Variants in SEC14L1 observed in about 807,000 individuals in gnomAD.
SEC14L1 encodes the protein SEC14 like lipid binding 1.
A neutral mutation model predicts 85.3 loss-of-function variants in SEC14L1; 48 were observed. The ratio of observed to expected loss-of-function variants is 0.56; its 90% CI spans 0.45 to 0.72. The LOEUF is 0.72. Among genes scored for constraint, SEC14L1 ranks in the 30% least tolerant of loss-of-function variants. The pLI, the probability that SEC14L1 is intolerant of heterozygous loss-of-function variation, is 0.00. For missense variants in SEC14L1, 682 were observed against 921.4 expected, an observed-to-expected ratio of 0.74 and a Z score of 3.36; for synonymous variants, 391 against 355.5, an observed-to-expected ratio of 1.10 and a Z score of -1.12.
In SEC14L1 at chr17:77,206,912, A is replaced by C; in HGVS notation, c.1476+50A>C. The C allele has an allele frequency of 1.4e-6, 2 of 1,457,852 alleles. No individual in the cohort carries two copies. Among genetic ancestry groups the C allele is most frequent in the Non-Finnish European group, 1.8e-6 (2 of 1,098,838 alleles). The allele number at this position is 1,457,852 out of a possible 1,614,324, so 90.3% of individuals were successfully genotyped here. A position where few individuals can be genotyped will look rare whatever the true frequency, so the allele number is the denominator to read the frequency against. ...ACATTTGGCCCCTTATGCAGGTGGGAGAGGTCGGTGTCGATTTGCACAAAT... is the reference window on the plus strand; with the variant it reads ...ACATTTGGCCCCTTATGCAGGTGGGCGAGGTCGGTGTCGATTTGCACAAAT... On this transcript the variant is annotated intron_variant, in intron 13 of 16. Coordinates refer to ENST00000436233, the MANE Select transcript of SEC14L1 (RefSeq NM_001143998.2). The surrounding 1 kb of genome is among the most constrained non-coding windows in gnomAD (Gnocchi z 4.3).
At chr17:77,201,017 G>C (rs575826018) in intron 9 of SEC14L1, among the ~76,000 whole-genome samples, 1 of 152,346 alleles carries the variant, frequency 6.6e-6, no homozygotes, top group African/African-American at 2.4e-5. Context: ...CAGTAGTGCA[G>C]TGTTAATAAA....
chr17:77,133,519 A>T (rs1972680000), intron 3 of SEC14L1, among the ~76,000 whole-genome samples: 1 of 151,836 alleles, frequency 6.6e-6, no homozygotes, highest in South Asian at 2.1e-4. Context: ...CTTGCTATGG[A>T]CTCTTGGGAA....
chr17:77,131,067 C>A (rs1245211723), intron 3 of SEC14L1, among the ~76,000 whole-genome samples: 5 of 152,190 alleles, frequency 3.3e-5, no homozygotes, highest in Non-Finnish European at 7.3e-5. Context: ...AGATCCCATT[C>A]TTCTACGGAC....
chr17:77,123,846 G>A (rs1253096948), intron 3 of SEC14L1, among the ~76,000 whole-genome samples: 2 of 152,240 alleles, frequency 1.3e-5, no homozygotes, highest in African/African-American at 4.8e-5. Flanking sequence ...GGGGCCTTGG[G>A]AAGGAAGATG....
At chr17:77,143,248 G>C (rs190458405) in intron 2 of SEC14L1, among the ~76,000 whole-genome samples, 6 of 152,324 alleles carry the variant, frequency 3.9e-5, no homozygotes, top group Admixed American at 2.0e-4. Flanking sequence ...AATCATAACA[G>C]TTCATTGCTG....
At chr17:77,140,947 C>G (rs1052151510), upstream of SEC14L1, 2 of 150,902 alleles carry the variant, frequency 1.3e-5, no homozygotes, top group African/African-American at 2.4e-5. Flanking sequence ...CCACAAGTGC[C>G]GTCGCCGCGC....
At chr17:77,145,505 A>G (rs2143532453) in intron 3 of SEC14L1, among the ~76,000 whole-genome samples, 1 of 152,242 alleles carries the variant, frequency 6.6e-6, no homozygotes, top group Admixed American at 6.5e-5. Context: ...GTGTGTTAAG[A>G]AGTTACGTGT....
Position 77,213,413 on chromosome 17 carries a change from G to T in SEC14L1, c.1963G>T (p.Val655Leu), listed in dbSNP as rs751760592. 1 of 1,613,364 alleles carries T rather than the reference G, an allele frequency of 6.2e-7. No individual in the cohort carries two copies. The highest frequency in any genetic ancestry group is 8.5e-7 in the Non-Finnish European group (1 of 1,180,016). ...AASSLPRVDD[V>L]LASLQVSSHK... ...CAGCAGCCTTCCCCGGGTGGACGAC[G>T]TGCTTGCGTCCCTGCAGGTCTCTTC... The change falls in exon 16 of 17, where the codon GTG (valine) becomes TTG (leucine). Residue 655 changes from valine to leucine, a missense_variant. Transcript: ENST00000436233. The surrounding 1 kb of genome is among the most constrained non-coding windows in gnomAD (Gnocchi z 7.1).
In SEC14L1 at chr17:77,143,600, G is replaced by A. The variant is rs371430429; in HGVS notation, c.4G>A (p.Val2Met). Residue 2 changes from valine to methionine, a missense_variant, in exon 3 of 17, where the codon GTG (valine) becomes ATG (methionine). Coordinates refer to ENST00000436233, the MANE Select transcript of SEC14L1 (RefSeq NM_001143998.2). ...GGGTTGCTGTTGTATTGCAATCATGGTGCAGAAATACCAGTCCCCAGTGAG... is the reference window on the plus strand; with the variant it reads ...GGGTTGCTGTTGTATTGCAATCATGATGCAGAAATACCAGTCCCCAGTGAG... MVQKYQSPVRVY... is the reference protein window; with the variant it reads MMQKYQSPVRVY... The A allele has an allele frequency of 8.6e-5, 139 of 1,612,982 alleles. No individual in the cohort carries two copies. Among genetic ancestry groups the A allele is most frequent in the Non-Finnish European group, 1.1e-4 (132 of 1,179,274 alleles).
intron 3 of SEC14L1, among the ~76,000 whole-genome samples, chr17:77,178,941 C>T (rs894934403): frequency 2.4e-4 from 37 of 152,198 alleles, no homozygotes; most frequent in Admixed American, 2.0e-3. Flanking sequence ...AGTGACCTTT[C>T]CTTGTCACAG....
In SEC14L1 at chr17:77,200,418, C is replaced by T. The variant is rs779459392; in HGVS notation, c.820-66C>T. On this transcript the variant is annotated intron_variant, in intron 8 of 16. Transcript: ENST00000436233. ...TCCTGAGCTCAAGCGATCCGTCCAC[C>T]GCAGCCTCCCAAAGTTCCCTTCACA... 2.8e-4 allele frequency: 376 copies of T among 1,338,280 alleles called. 1 individual carries two copies. The highest frequency in any genetic ancestry group is 3.5e-4 in the Non-Finnish European group (337 of 952,764). The allele number at this position is 1,338,280 out of a possible 1,614,324, so 82.9% of individuals were successfully genotyped here.
At chr17:77,193,635 C>A in intron 6 of SEC14L1, 86 bp downstream of exon 6, 1 of 1,385,080 alleles carries the variant, frequency 7.2e-7, no homozygotes, top group Non-Finnish European at 1.0e-6. Flanking sequence ...GATGGCTTAG[C>A]AAGGGATTTG....
At chr17:77,143,954 C>T in intron 3 of SEC14L1, 1 of 277,188 alleles carries the variant, frequency 3.6e-6, no homozygotes, top group Admixed American at 5.5e-5. Context: ...CGGGGTTGTG[C>T]TCTTTTTTTC....
intron 3 of SEC14L1, among the ~76,000 whole-genome samples, chr17:77,126,811 G>A (rs1021527288): frequency 1.3e-5 from 2 of 152,160 alleles, no homozygotes; most frequent in East Asian, 1.9e-4. Flanking sequence ...TGATGGGTGG[G>A]TCAGGCAGGA....
chr17:77,099,640 C>G (rs1971721792), intron 3 of SEC14L1, among the ~76,000 whole-genome samples: 1 of 152,140 alleles, frequency 6.6e-6, no homozygotes, highest in South Asian at 2.1e-4. Context: ...TCCTGTAATG[C>G]CAGCTACTTG....
At chr17:77,159,254 A>G (rs1371484361) in intron 3 of SEC14L1, among the ~76,000 whole-genome samples, 1 of 150,688 alleles carries the variant, frequency 6.6e-6, no homozygotes, top group Non-Finnish European at 1.5e-5. Flanking sequence ...TTTAGTAGAG[A>G]TGGGGGTTCG....
Position 77,200,539 on chromosome 17 carries a change from A to G in SEC14L1, c.875A>G (p.Asp292Gly). 4 of 1,614,088 alleles carry G rather than the reference A, an allele frequency of 2.5e-6. No individual in the cohort carries two copies. The highest frequency in any genetic ancestry group is 3.4e-6 in the Non-Finnish European group (4 of 1,179,976). Residue 292 changes from aspartate to glycine, a missense_variant, in exon 9 of 17, where the codon GAC (aspartate) becomes GGC (glycine). Transcript: ENST00000436233. ...RFLRARDFNI[D>G]KAREIMCQSL... ...CTCCGTGCACGGGATTTTAATATTG[A>G]CAAAGCCAGAGAGATCATGTGTCAG...
rs1380056149 is a variant in SEC14L1 at position 77,216,851 on chromosome 17, C to T, written c.*2828C>T. ...TATGGTTTGAGTATGCAGTTTGCAT[C>T]GTGTTTCTACCTTTAGTACCTTGCC... is the stretch of plus-strand genomic sequence containing the variant. On this transcript the variant is annotated 3_prime_UTR_variant, in exon 17 of 17. Transcript: ENST00000436233. 4 of 433,444 alleles carry T rather than the reference C, an allele frequency of 9.2e-6. No individual in the cohort carries two copies. Among genetic ancestry groups the T allele is most frequent in the African/African-American group, 4.0e-5 (2 of 50,318 alleles). The allele number at this position is 433,444 out of a possible 1,614,324, so 26.8% of individuals were successfully genotyped here.
At chr17:77,090,979 A>G (rs567647595) in intron 2 of SEC14L1, among the ~76,000 whole-genome samples, 1 of 151,726 alleles carries the variant, frequency 6.6e-6, no homozygotes, top group East Asian at 1.9e-4. Context: ...CAAAAAAAAA[A>G]AAAAAAGATA....
Sources: allele counts gnomAD v4.1 joint callset (sites outside exome capture counted in the v4.1 genomes callset), GRCh38; gene constraint gnomAD v4.1.1; non-coding constraint Gnocchi (gnomAD v3.1); transcripts MANE v1.5; gene names NCBI Gene and HGNC (gene_info 2026-07-23, HGNC 2026-07-21).